The following KCNJ6 variants were observed in gnomAD, a reference collection of about 807,000 sequenced individuals.
KCNJ6 encodes G protein-activated inward rectifier potassium channel 2.
KCNJ6 carries 9 observed loss-of-function variants against 34.2 expected under a neutral mutation model. The observed-to-expected ratio is 0.26, with a 90% CI of 0.16 to 0.46. KCNJ6 has a LOEUF of 0.46. Among genes scored for constraint, KCNJ6 ranks in the 20% least tolerant of loss-of-function variants. The pLI, the probability that KCNJ6 is intolerant of heterozygous loss-of-function variation, is 1.00. For missense variants in KCNJ6, 236 were observed against 531.3 expected (o/e 0.44, Z 5.46); for synonymous variants, 196 against 207.1 (o/e 0.95, Z 0.46).
At chr21:37,693,318 G>A (rs766025095) in intron 3 of KCNJ6, among the ~76,000 whole-genome samples, 1 of 152,186 alleles carries the variant, frequency 6.6e-6, no homozygotes, top group Non-Finnish European at 1.5e-5. Flanking sequence ...TCACCATTTG[G>A]AGGATGGGAG....
At chr21:37,819,753 A>G (rs961009045) in intron 2 of KCNJ6, among the ~76,000 whole-genome samples, 107 of 152,144 alleles carry the variant, frequency 7.0e-4, no homozygotes, top group African/African-American at 2.5e-3. Flanking sequence ...CTGTCATGCA[A>G]AGACTTCATG....
chr21:37,647,264 G>T (rs1273387076), intron 3 of KCNJ6, among the ~76,000 whole-genome samples: 2 of 152,030 alleles, frequency 1.3e-5, no homozygotes, highest in Non-Finnish European at 2.9e-5. Flanking sequence ...GATCCATGAG[G>T]TTTTTTGGTC....
chr21:37,711,829 A>AT (rs1363571512), intron 3 of KCNJ6, among the ~76,000 whole-genome samples: 1 of 147,020 alleles, frequency 6.8e-6, no homozygotes, highest in Non-Finnish European at 1.5e-5. Context: ...TTAGAAGACT[A>AT]TTTTTTAAAA....
intron 3 of KCNJ6, among the ~76,000 whole-genome samples, chr21:37,638,469 G>A (rs555853517): frequency 6.6e-6 from 1 of 152,246 alleles, no homozygotes; most frequent in South Asian, 2.1e-4. Flanking sequence ...CTTTATAACT[G>A]CTATAGTGTC....
At chr21:37,693,962 T>C (rs1601422759) in intron 3 of KCNJ6, among the ~76,000 whole-genome samples, 2 of 152,180 alleles carry the variant, frequency 1.3e-5, no homozygotes, top group Middle Eastern at 6.8e-3. Flanking sequence ...GGAACAAATA[T>C]AATAAAACTT....
chr21:37,804,139 C>A (rs1379124218), intron 2 of KCNJ6, among the ~76,000 whole-genome samples: 1 of 152,158 alleles, frequency 6.6e-6, no homozygotes, highest in Admixed American at 6.5e-5. Context: ...CAAATCAAAA[C>A]CACTTTCACA....
intron 2 of KCNJ6, among the ~76,000 whole-genome samples, chr21:37,758,040 G>A (rs1156344668): frequency 6.6e-6 from 1 of 152,174 alleles, no homozygotes; most frequent in Non-Finnish European, 1.5e-5. Context: ...TGAGGGTGTG[G>A]GGATGGTGAG....
intron 2 of KCNJ6, among the ~76,000 whole-genome samples, chr21:37,828,244 C>A (rs1487189722): frequency 6.6e-6 from 1 of 152,138 alleles, no homozygotes; most frequent in Non-Finnish European, 1.5e-5. Flanking sequence ...GAAAGCACAC[C>A]GGGGTGTAGG....
At chr21:37,796,311 A>G (rs2055241755) in intron 2 of KCNJ6, among the ~76,000 whole-genome samples, 1 of 152,120 alleles carries the variant, frequency 6.6e-6, no homozygotes, top group African/African-American at 2.4e-5. Context: ...GCGAAATTAG[A>G]GTGATATTAA....
At chr21:37,716,807 G>A (rs964722375) in intron 2 of KCNJ6, among the ~76,000 whole-genome samples, 8 of 152,178 alleles carry the variant, frequency 5.3e-5, no homozygotes, top group African/African-American at 1.9e-4. Flanking sequence ...CTGTTTAAAA[G>A]CATATAATCC....
chr21:37,707,910 C>T lies in KCNJ6; in HGVS notation c.946+6301G>A, dbSNP rs889508526. Among the ~76,000 whole-genome samples the T allele has an allele frequency of 4.6e-5, 7 of 152,062 alleles. No homozygotes were observed. In the South Asian group the frequency reaches 8.3e-4, roughly 18 times the overall value. On this transcript the variant is annotated intron_variant, in intron 3 of 3. Coordinates refer to ENST00000609713, the MANE Select transcript of KCNJ6 (RefSeq NM_002240.5). The stretch of plus-strand genomic sequence containing the variant: ...TAGAGACTTCACACGATTTGACGTT[C>T]ATCTCCTAATTTGGATGATGCTGTT...
chr21:37,745,923 A>C (rs1284328254), intron 2 of KCNJ6, among the ~76,000 whole-genome samples: 1 of 152,204 alleles, frequency 6.6e-6, no homozygotes, highest in Non-Finnish European at 1.5e-5. Context: ...CTTAAATAAC[A>C]AACTTTTGTT....
At chr21:37,720,702 CTTTT>C (rs3061017) in intron 2 of KCNJ6, among the ~76,000 whole-genome samples, 4 of 129,512 alleles carry the variant, frequency 3.1e-5, no homozygotes, top group African/African-American at 2.9e-5. Flanking sequence ...ATTTTCTTTT[CTTTT>C]TTTTTTTTTT....
rs2054658967 is a variant in KCNJ6, at chr21:37,695,269, A to ACTGT, written c.946+18941_946+18942insACAG. 6.6e-6 allele frequency among the ~76,000 whole-genome samples: 1 copy of ACTGT among 152,204 alleles called. No homozygotes were observed. The highest frequency in any genetic ancestry group is 2.1e-4 in the South Asian group (1 of 4,830). ...TACAGAACTTAACAGTGTCCATCCC[A>ACTGT]TAAAAGGAAATCAATGGCTAAGCAA... On this transcript the variant is annotated intron_variant, in intron 3 of 3. Transcript: ENST00000609713. This position sits in a 1 kb window ranked among gnomAD's most constrained non-coding sequence, Gnocchi z 4.2.
intron 1 of KCNJ6, among the ~76,000 whole-genome samples, chr21:37,912,834 T>C (rs896441674): frequency 3.9e-5 from 6 of 152,178 alleles, no homozygotes; most frequent in African/African-American, 1.4e-4. Context: ...GCAATATCTT[T>C]AGAAACAACA....
At chr21:37,832,991 C>G (rs138620759) in intron 2 of KCNJ6, among the ~76,000 whole-genome samples, 15 of 150,760 alleles carry the variant, frequency 9.9e-5, no homozygotes, top group Non-Finnish European at 1.8e-4. Context: ...CCCTGTCCCC[C>G]AGTCTGGCTT....
chr21:37,904,216 C>T (rs1302837777), intron 1 of KCNJ6, among the ~76,000 whole-genome samples: 1 of 152,180 alleles, frequency 6.6e-6, no homozygotes, highest in East Asian at 1.9e-4. Context: ...CAAGGATTTT[C>T]AGGTGAAATA....
intron 1 of KCNJ6, among the ~76,000 whole-genome samples, chr21:37,907,127 T>A (rs144644434): frequency 6.6e-6 from 1 of 152,186 alleles, no homozygotes; most frequent in Non-Finnish European, 1.5e-5. Context: ...TGCAAAAACC[T>A]CCGAAGAGAG....
chr21:37,804,982 T>C (rs1408415421), intron 2 of KCNJ6, among the ~76,000 whole-genome samples: 1 of 152,164 alleles, frequency 6.6e-6, no homozygotes, highest in Admixed American at 6.5e-5. Flanking sequence ...TGGATGAACC[T>C]TGATAACATT....
Sources: gnomAD v4.1 joint callset for allele counts (sites outside exome capture counted in the v4.1 genomes callset) on GRCh38, gnomAD v4.1.1 for gene constraint, Gnocchi (gnomAD v3.1) non-coding constraint, MANE v1.5 for transcripts, NCBI Gene and HGNC (gene_info 2026-07-23, HGNC 2026-07-21) for gene names.